Variants in NPAS3 observed in about 807,000 individuals in gnomAD.
NPAS3 encodes the protein neuronal PAS domain-containing protein 3.
In NPAS3, 14 loss-of-function variants were observed where a neutral mutation model predicts 73.1. The ratio of observed to expected loss-of-function variants is 0.19; its 90% CI spans 0.13 to 0.30. The LOEUF is 0.30. NPAS3 is among the 10% of genes least tolerant of loss of function. The pLI, the probability that NPAS3 is intolerant of heterozygous loss-of-function variation, is 1.00. For missense variants in NPAS3, 1,096 were observed against 1,250.0 expected, an observed-to-expected ratio of 0.88 and a Z score of 1.86; for synonymous variants, 620 against 541.5, an observed-to-expected ratio of 1.14 and a Z score of -2.01.
At chr14:33,141,724 C>T (rs998429376) in intron 2 of NPAS3, among the ~76,000 whole-genome samples, 12 of 152,240 alleles carry the variant, frequency 7.9e-5, no homozygotes, top group Admixed American at 4.6e-4. Flanking sequence ...TAAATATACT[C>T]GTGATGCACA....
intron 2 of NPAS3, among the ~76,000 whole-genome samples, chr14:33,098,671 A>G (rs1363396972): frequency 6.6e-6 from 1 of 152,344 alleles, no homozygotes; most frequent in East Asian, 1.9e-4. Flanking sequence ...AACAAAAGCA[A>G]TTCTTAAAAA....
At chr14:33,374,504 A>G (rs1378442874) in intron 4 of NPAS3, among the ~76,000 whole-genome samples, 1 of 152,008 alleles carries the variant, frequency 6.6e-6, no homozygotes, top group Non-Finnish European at 1.5e-5. Context: ...AAAAAAAATC[A>G]GGTTGATGTA....
At chr14:33,202,113 G>A (rs956396028) in intron 2 of NPAS3, among the ~76,000 whole-genome samples, 1 of 152,016 alleles carries the variant, frequency 6.6e-6, no homozygotes, top group African/African-American at 2.4e-5. Flanking sequence ...ATATAGAAAT[G>A]TTACTGGGCC....
chr14:33,369,287 G>A (rs1841049867), intron 4 of NPAS3, among the ~76,000 whole-genome samples: 2 of 150,216 alleles, frequency 1.3e-5, no homozygotes, highest in African/African-American at 4.9e-5. Flanking sequence ...AGACTGGTGA[G>A]TAAACTAGAA....
intron 3 of NPAS3, among the ~76,000 whole-genome samples, chr14:33,294,418 C>T (rs1029864709): frequency 3.3e-5 from 5 of 152,154 alleles, no homozygotes; most frequent in Non-Finnish European, 5.9e-5. Context: ...TCAGGGCAGC[C>T]TCTTTGATGC....
intron 3 of NPAS3, among the ~76,000 whole-genome samples, chr14:33,289,246 G>A (rs1199269829): frequency 1.3e-5 from 2 of 152,148 alleles, no homozygotes; most frequent in African/African-American, 2.4e-5. Context: ...AAGTTTTAGA[G>A]TCAGAATTGA....
chr14:33,316,964 A>G (rs1289923589), intron 3 of NPAS3, among the ~76,000 whole-genome samples: 1 of 152,102 alleles, frequency 6.6e-6, no homozygotes, highest in Non-Finnish European at 1.5e-5. Context: ...GTTTTAATAG[A>G]TCACTTCTAA....
intron 9 of NPAS3, among the ~76,000 whole-genome samples, chr14:33,792,624 G>A (rs1460118034): frequency 1.3e-5 from 2 of 151,090 alleles, no homozygotes; most frequent in African/African-American, 4.9e-5. Flanking sequence ...TCATGAAACT[G>A]TTGTATATGA....
At chr14:32,981,049 C>T (rs567126062) in intron 1 of NPAS3, among the ~76,000 whole-genome samples, 6 of 152,214 alleles carry the variant, frequency 3.9e-5, no homozygotes, top group East Asian at 3.9e-4. Flanking sequence ...CAGAAGAACT[C>T]GGAAATGCCT....
chr14:33,669,895 TTTTTTTGGGGG>T (rs1205610542), intron 5 of NPAS3, among the ~76,000 whole-genome samples: 1 of 152,024 alleles, frequency 6.6e-6, no homozygotes, highest in East Asian at 1.9e-4. Context: ...TTGTTGTTTG[TTTTTTTGGGGG>T]TTTTTTGTTT....
chr14:32,999,323 A>G (rs1400990623), intron 1 of NPAS3, among the ~76,000 whole-genome samples: 2 of 152,104 alleles, frequency 1.3e-5, no homozygotes, highest in African/African-American at 4.8e-5. Context: ...CATCCTGGCT[A>G]ACACGGTGAA....
At chr14:33,448,170 G>A (rs546340913) in intron 4 of NPAS3, among the ~76,000 whole-genome samples, 7 of 152,276 alleles carry the variant, frequency 4.6e-5, no homozygotes, top group African/African-American at 1.7e-4. Flanking sequence ...GACTGATTAG[G>A]GTTGAAACTT....
intron 5 of NPAS3, among the ~76,000 whole-genome samples, chr14:33,651,180 C>T (rs1042341891): frequency 8.5e-5 from 13 of 152,154 alleles, no homozygotes; most frequent in African/African-American, 1.7e-4. Context: ...AAGCCTTTTT[C>T]GCGCCATGCA....
intron 3 of NPAS3, among the ~76,000 whole-genome samples, chr14:33,254,963 A>C (rs2139917434): frequency 6.6e-6 from 1 of 152,174 alleles, no homozygotes; most frequent in Admixed American, 6.6e-5. Flanking sequence ...GAATTTGTAA[A>C]AAAAAAAACT....
chr14:33,678,739 A>C (rs2059844010), intron 6 of NPAS3, among the ~76,000 whole-genome samples: 1 of 128,902 alleles, frequency 7.8e-6, no homozygotes, highest in South Asian at 2.9e-4. Flanking sequence ...ACATGTTGAC[A>C]GTGAGACTTT....
At chr14:33,433,378 G>A (rs1283353114) in intron 4 of NPAS3, among the ~76,000 whole-genome samples, 2 of 152,144 alleles carry the variant, frequency 1.3e-5, no homozygotes, top group African/African-American at 2.4e-5. Flanking sequence ...TAAAGCAAAC[G>A]CAGTCTTTGA....
Position 33,047,069 on chromosome 14 carries a change from G to A in NPAS3, c.51-8836G>A, listed in dbSNP as rs561056119. 2.4e-4 allele frequency among the ~76,000 whole-genome samples: 37 copies of A among 152,240 alleles called. No homozygotes were observed. The South Asian group carries it at 7.7e-3, about 32-fold the overall frequency. The stretch of plus-strand genomic sequence containing the variant: ...CAGGCCTTGGGTTTGGAACTAAGAT[G>A]AGAGCTGACTATACAGAATTGGGAG... On this transcript the variant is annotated intron_variant, in intron 1 of 11. Coordinates refer to ENST00000356141, the Ensembl canonical transcript of NPAS3.
intron 3 of NPAS3, among the ~76,000 whole-genome samples, chr14:33,319,024 G>A (rs2043325175): frequency 1.3e-5 from 2 of 152,086 alleles, no homozygotes; most frequent in Non-Finnish European, 2.9e-5. Flanking sequence ...TGGCCGGAGA[G>A]TTTTCCTGTT....
At chr14:33,294,667 A>G (rs1297777132) in intron 3 of NPAS3, among the ~76,000 whole-genome samples, 6 of 152,220 alleles carry the variant, frequency 3.9e-5, no homozygotes, top group Non-Finnish European at 8.8e-5. Flanking sequence ...TAGAGTAAAA[A>G]TCTAAATAAG....
Sources: gnomAD v4.1 joint callset for allele counts (sites outside exome capture counted in the v4.1 genomes callset) on GRCh38, gnomAD v4.1.1 for gene constraint, MANE v1.5 for transcripts, NCBI Gene and HGNC (gene_info 2026-07-23, HGNC 2026-07-21) for gene names.